Variants in CMTM8 observed in about 807,000 individuals in gnomAD.
CMTM8 encodes the protein CKLF-like MARVEL transmembrane domain-containing protein 8.
Under a neutral mutation model 18.6 loss-of-function variants are expected in CMTM8, and 12 were observed. The ratio of observed to expected loss-of-function variants is 0.65; its 90% CI spans 0.41 to 1.05. CMTM8 has a LOEUF of 1.05. Ranked by LOEUF, CMTM8 falls within the 50% of genes least tolerant of loss-of-function variation. The pLI, the probability that CMTM8 is intolerant of heterozygous loss-of-function variation, is 0.00. For synonymous variants in CMTM8, 87 were observed against 90.6 expected, an observed-to-expected ratio of 0.96 and a Z score of 0.23; for missense variants, 217 against 227.2, an observed-to-expected ratio of 0.95 and a Z score of 0.29.
Position 32,246,921 on chromosome 3 carries a change from A to C in CMTM8, c.147+7802A>C, listed in dbSNP as rs187736919. ...GTTCAAGAGCAGCCTGGCCAACATAACAAAACTCATCTCTACTAAAAATAC... is the reference window on the plus strand; with the variant it reads ...GTTCAAGAGCAGCCTGGCCAACATACCAAAACTCATCTCTACTAAAAATAC... On this transcript the variant is annotated intron_variant, in intron 1 of 3. Coordinates refer to ENST00000307526, the MANE Select transcript of CMTM8 (RefSeq NM_178868.5). Among the ~76,000 whole-genome samples, 3 of 152,008 alleles carry C rather than the reference A, an allele frequency of 2.0e-5. No homozygotes were observed. The East Asian group carries it at 5.8e-4, about 30-fold the overall frequency.
At chr3:32,254,823 A>C (rs1702156382) in intron 1 of CMTM8, among the ~76,000 whole-genome samples, 1 of 151,892 alleles carries the variant, frequency 6.6e-6, no homozygotes, top group South Asian at 2.1e-4. Flanking sequence ...AGCATTGTGC[A>C]ATCATCTACA....
intron 1 of CMTM8, among the ~76,000 whole-genome samples, chr3:32,315,399 G>C (rs1695907129): frequency 6.6e-6 from 1 of 152,164 alleles, no homozygotes; most frequent in South Asian, 2.1e-4. Flanking sequence ...CAAAGTGCTG[G>C]GATTACAGGT....
chr3:32,361,972 G>T (rs1696939865), intron 2 of CMTM8, among the ~76,000 whole-genome samples: 1 of 151,764 alleles, frequency 6.6e-6, no homozygotes, highest in African/African-American at 2.4e-5. Context: ...TGACCTCACT[G>T]CAAGCCTTGT....
At chr3:32,312,387 A>T (rs985669763) in intron 1 of CMTM8, among the ~76,000 whole-genome samples, 1 of 152,194 alleles carries the variant, frequency 6.6e-6, no homozygotes, top group African/African-American at 2.4e-5. Context: ...CCCCCACCTC[A>T]GGTACAATCA....
intron 1 of CMTM8, among the ~76,000 whole-genome samples, chr3:32,263,123 G>A: frequency 6.6e-6 from 1 of 151,944 alleles, no homozygotes; most frequent in East Asian, 1.9e-4. Context: ...TCAGCACGCA[G>A]CTTGAGATCT....
intron 2 of CMTM8, among the ~76,000 whole-genome samples, chr3:32,362,874 G>A (rs573962687): frequency 6.6e-6 from 1 of 152,250 alleles, no homozygotes; most frequent in East Asian, 1.9e-4. Flanking sequence ...GTCACCTGGT[G>A]GGATCATGTT....
At chr3:32,343,683 C>G (rs1486063080) in intron 1 of CMTM8, among the ~76,000 whole-genome samples, 1 of 151,924 alleles carries the variant, frequency 6.6e-6, no homozygotes, top group Non-Finnish European at 1.5e-5. Context: ...GCCATTGAGA[C>G]CTCAGGTGGT....
chr3:32,354,643 C>T (rs1662499783), intron 1 of CMTM8, among the ~76,000 whole-genome samples: 1 of 152,188 alleles, frequency 6.6e-6, no homozygotes, highest in South Asian at 2.1e-4. Context: ...CTTGTGATCA[C>T]ACAGAGAGAC....
At chr3:32,303,804 A>G (rs1695672088) in intron 1 of CMTM8, among the ~76,000 whole-genome samples, 1 of 152,118 alleles carries the variant, frequency 6.6e-6, no homozygotes, top group Non-Finnish European at 1.5e-5. Context: ...TTGTTGTTAA[A>G]CCACTGGGAA....
At chr3:32,338,573 C>T (rs1341307582) in intron 1 of CMTM8, among the ~76,000 whole-genome samples, 1 of 152,170 alleles carries the variant, frequency 6.6e-6, no homozygotes, top group East Asian at 1.9e-4. Context: ...TGTGAAGGTA[C>T]AAACCAAGGC....
intron 1 of CMTM8, among the ~76,000 whole-genome samples, chr3:32,263,907 AT>A (rs1212420786): frequency 6.6e-6 from 1 of 152,216 alleles, no homozygotes; most frequent in African/African-American, 2.4e-5. Context: ...AGAAAAAAGA[AT>A]AAAAAGAAAC....
Position 32,370,165 on chromosome 3 carries a change from C to G in CMTM8, c.*198C>G. The G allele has an allele frequency of 3.2e-6, 1 of 313,278 alleles. No homozygotes were observed. The allele number at this position is 313,278 out of a possible 1,614,324, so 19.4% of individuals were successfully genotyped here. Reference sequence around the variant, plus strand: ...AAAGTGTTGTAGCTTATAATGAACTCTTAAGTATCTTATTAATGTATTAAT... The same window carrying G: ...AAAGTGTTGTAGCTTATAATGAACTGTTAAGTATCTTATTAATGTATTAAT... On this transcript the variant is annotated 3_prime_UTR_variant, in exon 4 of 4. Coordinates refer to ENST00000307526, the MANE Select transcript of CMTM8 (RefSeq NM_178868.5).
At chr3:32,282,768 C>T (rs1349484853) in intron 1 of CMTM8, among the ~76,000 whole-genome samples, 2 of 152,170 alleles carry the variant, frequency 1.3e-5, no homozygotes, top group Non-Finnish European at 2.9e-5. Context: ...CCTCTCTGAC[C>T]TTATATCCTG....
chr3:32,327,015 A>G (rs967436617), intron 1 of CMTM8, among the ~76,000 whole-genome samples: 1 of 151,776 alleles, frequency 6.6e-6, no homozygotes, highest in Non-Finnish European at 1.5e-5. Flanking sequence ...GGAAGGAGCT[A>G]TGTCGTCTTT....
intron 1 of CMTM8, among the ~76,000 whole-genome samples, chr3:32,352,081 A>T (rs1437567629): frequency 4.0e-5 from 6 of 151,158 alleles, no homozygotes; most frequent in Non-Finnish European, 5.9e-5. Flanking sequence ...GGGAGGCTGC[A>T]GCATGAGAAT....
chr3:32,254,249 TA>T (rs1202937225), intron 1 of CMTM8, among the ~76,000 whole-genome samples: 2 of 152,204 alleles, frequency 1.3e-5, no homozygotes, highest in African/African-American at 2.4e-5. Flanking sequence ...TTAACCAGTT[TA>T]AAATGAACAA....
chr3:32,362,041 C>CTTTTTTTTTTTTTTTTTTT (rs1696941813), intron 2 of CMTM8, among the ~76,000 whole-genome samples: 1 of 11,698 alleles, frequency 8.5e-5, no homozygotes, highest in Non-Finnish European at 2.8e-4. Context: ...CTACTATTTT[C>CTTTTTTTTTTTTTTTTTTT]TTTTCTTTTT....
chr3:32,332,145 G>A (rs1696288334), intron 1 of CMTM8, among the ~76,000 whole-genome samples: 2 of 152,192 alleles, frequency 1.3e-5, no homozygotes, highest in African/African-American at 4.8e-5. Flanking sequence ...AATTTTGGAT[G>A]GAAAAGTTGA....
At chr3:32,368,737 C>T (rs972414405) in intron 3 of CMTM8, among the ~76,000 whole-genome samples, 6 of 152,098 alleles carry the variant, frequency 3.9e-5, no homozygotes, top group Non-Finnish European at 8.8e-5. Context: ...GCTGGAATTA[C>T]AGGCATGAGC....
Sources: allele counts gnomAD v4.1 joint callset (sites outside exome capture counted in the v4.1 genomes callset), GRCh38; gene constraint gnomAD v4.1.1; transcripts MANE v1.5; gene names NCBI Gene and HGNC (gene_info 2026-07-23, HGNC 2026-07-21).